Variants in EFNA5 observed in about 807,000 individuals in gnomAD.
EFNA5 encodes the protein ephrin A5.
Under a neutral mutation model 22.9 loss-of-function variants are expected in EFNA5, and 5 were observed. That is an observed-to-expected ratio of 0.22 (90% CI 0.11 to 0.46). EFNA5 has a LOEUF of 0.46. Among genes scored for constraint, EFNA5 ranks in the 20% least tolerant of loss-of-function variants. EFNA5 has a pLI of 0.99. For missense variants in EFNA5, 237 were observed against 293.3 expected (o/e 0.81, Z 1.40); for synonymous variants, 113 against 112.2 (o/e 1.01, Z -0.04).
At chr5:107,607,172 G>T (rs1230636398) in intron 1 of EFNA5, among the ~76,000 whole-genome samples, 1 of 152,216 alleles carries the variant, frequency 6.6e-6, no homozygotes, top group African/African-American at 2.4e-5. Flanking sequence ...TATCCTAAAA[G>T]AGATTGTCTG....
intron 1 of EFNA5, among the ~76,000 whole-genome samples, chr5:107,652,343 G>A (rs901136271): frequency 6.6e-6 from 1 of 152,120 alleles, no homozygotes; most frequent in African/African-American, 2.4e-5. Flanking sequence ...CATTGTTCAA[G>A]GTCTAGACTA....
At chr5:107,477,328 T>C (rs891202939) in intron 1 of EFNA5, among the ~76,000 whole-genome samples, 1 of 152,224 alleles carries the variant, frequency 6.6e-6, no homozygotes, top group African/African-American at 2.4e-5. Flanking sequence ...TATAATCTTT[T>C]GAATTAAGCA....
intron 1 of EFNA5, among the ~76,000 whole-genome samples, chr5:107,471,498 T>C (rs970640744): frequency 1.3e-5 from 2 of 152,228 alleles, no homozygotes; most frequent in Non-Finnish European, 2.9e-5. Context: ...CATTTTATAT[T>C]CCTTGGCATT....
At chr5:107,470,796 G>A (rs1750117229) in intron 1 of EFNA5, among the ~76,000 whole-genome samples, 1 of 152,032 alleles carries the variant, frequency 6.6e-6, no homozygotes, top group African/African-American at 2.4e-5. Context: ...AGGACAAGGC[G>A]GAGGCAGGAG....
At chr5:107,642,734 G>A (rs980453581) in intron 1 of EFNA5, among the ~76,000 whole-genome samples, 1 of 152,140 alleles carries the variant, frequency 6.6e-6, no homozygotes, top group Non-Finnish European at 1.5e-5. Flanking sequence ...TGGAGAGAAA[G>A]AAAGAATACG....
chr5:107,390,125 C>T (rs1172373242), intron 2 of EFNA5, among the ~76,000 whole-genome samples: 1 of 152,132 alleles, frequency 6.6e-6, no homozygotes, highest in Non-Finnish European at 1.5e-5. Flanking sequence ...CTTACTAGGT[C>T]AGTATAACTT....
At chr5:107,613,853 T>C (rs992434334) in intron 1 of EFNA5, among the ~76,000 whole-genome samples, 2 of 152,128 alleles carry the variant, frequency 1.3e-5, no homozygotes, top group African/African-American at 4.8e-5. Flanking sequence ...GATTATCAGA[T>C]AAACCCAATC....
intron 1 of EFNA5, among the ~76,000 whole-genome samples, chr5:107,541,845 AC>A: frequency 6.6e-6 from 1 of 152,238 alleles, no homozygotes; most frequent in African/African-American, 2.4e-5. Context: ...TAGGCCAGCC[AC>A]CATTTTAATT....
At chr5:107,665,927 A>C (rs1279889644) in intron 1 of EFNA5, among the ~76,000 whole-genome samples, 1 of 152,210 alleles carries the variant, frequency 6.6e-6, no homozygotes, top group East Asian at 1.9e-4. Flanking sequence ...TGGTACTTGC[A>C]TAAATTCTGA....
intron 1 of EFNA5, among the ~76,000 whole-genome samples, chr5:107,590,262 A>T (rs1402508615): frequency 6.6e-6 from 1 of 152,144 alleles, no homozygotes; most frequent in Non-Finnish European, 1.5e-5. Context: ...CTATATTCTA[A>T]ACTCTACCTT....
intron 1 of EFNA5, among the ~76,000 whole-genome samples, chr5:107,451,422 A>G (rs953992502): frequency 2.0e-4 from 30 of 152,230 alleles, no homozygotes; most frequent in African/African-American, 7.2e-4. Flanking sequence ...ATTTTTTCCT[A>G]AGAGCCACAA....
chr5:107,625,945 T>C (rs1014862673), intron 1 of EFNA5, among the ~76,000 whole-genome samples: 2 of 152,232 alleles, frequency 1.3e-5, no homozygotes, highest in Non-Finnish European at 2.9e-5. Context: ...ACAAATCTCC[T>C]CATTACTATA....
intron 1 of EFNA5, among the ~76,000 whole-genome samples, chr5:107,429,000 A>G (rs1443260115): frequency 6.6e-6 from 1 of 152,160 alleles, no homozygotes; most frequent in African/African-American, 2.4e-5. Flanking sequence ...TCTTTCTAGT[A>G]TAGTTCCCAG....
At chr5:107,610,889 T>C (rs1464160611) in intron 1 of EFNA5, among the ~76,000 whole-genome samples, 1 of 152,100 alleles carries the variant, frequency 6.6e-6, no homozygotes, top group Admixed American at 6.6e-5. Flanking sequence ...AGCAGAGAAT[T>C]TTCTAGCAAC....
chr5:107,441,616 T>C (rs547462597), intron 1 of EFNA5, among the ~76,000 whole-genome samples: 9 of 152,316 alleles, frequency 5.9e-5, no homozygotes, highest in African/African-American at 2.2e-4. Flanking sequence ...CTATTGTTTT[T>C]CTGTTTTAGT....
chr5:107,393,685 G>A (rs1389933831), intron 2 of EFNA5, among the ~76,000 whole-genome samples: 2 of 152,124 alleles, frequency 1.3e-5, no homozygotes, highest in East Asian at 1.9e-4. Context: ...CTGTTAGCAC[G>A]GCCCAGTTTT....
intron 1 of EFNA5, among the ~76,000 whole-genome samples, chr5:107,487,750 C>A (rs1746680335): frequency 6.6e-6 from 1 of 152,208 alleles, no homozygotes; most frequent in African/African-American, 2.4e-5. Flanking sequence ...CTTATTCCCC[C>A]TTGGACTGTA....
At chr5:107,398,745 C>T (rs1163837469) in intron 2 of EFNA5, among the ~76,000 whole-genome samples, 4 of 148,712 alleles carry the variant, frequency 2.7e-5, no homozygotes, top group African/African-American at 5.0e-5. Flanking sequence ...TTCCCAGCAA[C>T]TTGGGAGGCT....
At chr5:107,601,788 A>C (rs1018100071) in intron 1 of EFNA5, among the ~76,000 whole-genome samples, 3 of 152,344 alleles carry the variant, frequency 2.0e-5, no homozygotes, top group Non-Finnish European at 4.4e-5. Flanking sequence ...CAAACAAAAA[A>C]CAAAAACACC....
Sources: gnomAD v4.1 joint callset for allele counts (sites outside exome capture counted in the v4.1 genomes callset) on GRCh38, gnomAD v4.1.1 for gene constraint, MANE v1.5 for transcripts, NCBI Gene and HGNC (gene_info 2026-07-23, HGNC 2026-07-21) for gene names.